CCNJL: variants seen among roughly 807,000 people sequenced by gnomAD.
CCNJL encodes cyclin J like, also known as cyclin-J-like protein.
Under a neutral mutation model 33.4 loss-of-function variants are expected in CCNJL, and 33 were observed. The ratio of observed to expected loss-of-function variants is 0.99; its 90% confidence interval spans 0.75 to 1.32. The LOEUF (loss-of-function observed/expected upper bound fraction) is 1.32, where lower values mean the gene tolerates loss of function less well. Ranked by LOEUF, CCNJL falls within the 40% of genes most tolerant of loss-of-function variation. CCNJL has a pLI of 0.00. For missense variants in CCNJL, 512 were observed against 499.7 expected (o/e 1.02, Z -0.23); for synonymous variants, 227 against 220.9 (o/e 1.03, Z -0.24).
At chr5:160,289,566 C>T (rs1326047153) in intron 2 of CCNJL, among the ~76,000 whole-genome samples, 1 of 151,954 alleles carries the variant, frequency 6.6e-6, no homozygotes, top group African/African-American at 2.4e-5. Flanking sequence ...GGAGAGGTGG[C>T]TGCCCCTTTA....
intron 2 of CCNJL, among the ~76,000 whole-genome samples, chr5:160,294,505 C>A (rs1366152771): frequency 6.6e-6 from 1 of 152,188 alleles, no homozygotes; most frequent in African/African-American, 2.4e-5. Context: ...GAGCCACTGC[C>A]CTTCTGGGCA....
intron 2 of CCNJL, among the ~76,000 whole-genome samples, chr5:160,288,794 G>A (rs1762489739): frequency 1.4e-5 from 2 of 139,892 alleles, no homozygotes; most frequent in South Asian, 4.4e-4. Context: ...TCGTGCCACT[G>A]CACTCCAGCC....
intron 2 of CCNJL, among the ~76,000 whole-genome samples, chr5:160,287,658 A>G (rs1388337945): frequency 6.6e-6 from 1 of 152,262 alleles, no homozygotes; most frequent in Non-Finnish European, 1.5e-5. Flanking sequence ...GCAGTGCAGG[A>G]AGCCAGCCCC....
At chr5:160,322,922 T>TAA (rs145043767) in intron 1 of CCNJL, among the ~76,000 whole-genome samples, 2 of 128,166 alleles carry the variant, frequency 1.6e-5, no homozygotes, top group Non-Finnish European at 3.3e-5. Context: ...CAAAAAAAAT[T>TAA]AAAAAAAAAA....
chr5:160,319,610 G>T (rs1763416617), intron 1 of CCNJL, among the ~76,000 whole-genome samples: 1 of 152,106 alleles, frequency 6.6e-6, no homozygotes, highest in Admixed American at 6.6e-5. Flanking sequence ...TGCAGTAAAG[G>T]ACGTCGTCAA....
At chr5:160,322,533 A>G (rs1007617562) in intron 1 of CCNJL, among the ~76,000 whole-genome samples, 7 of 152,220 alleles carry the variant, frequency 4.6e-5, no homozygotes, top group Admixed American at 2.0e-4. Flanking sequence ...TTAAGTTGTA[A>G]TTGTATGCAT....
intron 2 of CCNJL, chr5:160,281,457 G>A (rs927264840): frequency 1.3e-5 from 2 of 153,030 alleles, no homozygotes; most frequent in African/African-American, 4.8e-5. Context: ...CCCCTGGGAG[G>A]TGACTAGATG....
intron 1 of CCNJL, chr5:160,326,692 C>T (rs1201246018): frequency 2.2e-6 from 2 of 889,688 alleles, no homozygotes; most frequent in Non-Finnish European, 3.7e-6. Flanking sequence ...GAAATTCCAC[C>T]ATGGCATACC....
intron 5 of CCNJL, 101 bp from the exon 6 acceptor site, chr5:160,253,899 G>A: frequency 1.2e-6 from 1 of 855,524 alleles, no homozygotes; most frequent in Non-Finnish European, 1.7e-6. Context: ...AGAGATGCGT[G>A]TGTCCTGTGT....
intron 1 of CCNJL, among the ~76,000 whole-genome samples, chr5:160,321,533 C>T (rs546144658): frequency 8.5e-5 from 13 of 152,336 alleles, no homozygotes; most frequent in African/African-American, 3.1e-4. Flanking sequence ...GTCGCAGCCG[C>T]TCAGCTGAGG....
chr5:160,291,036 TAAAA>T lies in CCNJL; in HGVS notation c.67-10302_67-10299del, dbSNP rs1177369719. Among the ~76,000 whole-genome samples, 16 of 57,540 alleles carry T rather than the reference TAAAA, an allele frequency of 2.8e-4. No individual in the cohort carries two copies. The East Asian group carries it at 5.2e-3, about 19-fold the overall frequency. 37.7% of individuals were successfully genotyped at this position (57,540 alleles called of 152,430 possible). ...AACATAGAAACACCCCGTCTTTACT[TAAAA>T]AAAAAAAAAAAAAAAAAAAAAGAAA... On this transcript the variant is annotated intron_variant, in intron 2 of 5. Transcript: ENST00000257536.
At chr5:160,316,597 TCTC>T (rs1251901613), upstream of CCNJL, among the ~76,000 whole-genome samples, 2 of 152,234 alleles carry the variant, frequency 1.3e-5, no homozygotes, top group Non-Finnish European at 2.9e-5. Context: ...CAGGCCTTGT[TCTC>T]CTCCTCCCCA....
intron 3 of CCNJL, among the ~76,000 whole-genome samples, chr5:160,266,775 A>AACTTTTTCAGC (rs1561779271): frequency 6.6e-6 from 1 of 152,166 alleles, no homozygotes; most frequent in Admixed American, 6.5e-5. Flanking sequence ...GGTTCTGAAA[A>AACTTTTTCAGC]AGGGGCTGAA....
chr5:160,333,526 G>A (rs1479860434), intron 1 of CCNJL, among the ~76,000 whole-genome samples: 1 of 151,734 alleles, frequency 6.6e-6, no homozygotes, highest in Non-Finnish European at 1.5e-5. Context: ...AGGAGGTCAA[G>A]GCTGCAGTCA....
intron 2 of CCNJL, among the ~76,000 whole-genome samples, chr5:160,289,600 A>G (rs1192768730): frequency 1.3e-5 from 2 of 151,900 alleles, no homozygotes; most frequent in Admixed American, 6.6e-5. Context: ...TTGCTGCCCA[A>G]GAGTTTTGCC....
chr5:160,310,720 C>T (rs1236230291), intron 2 of CCNJL, among the ~76,000 whole-genome samples: 1 of 152,160 alleles, frequency 6.6e-6, no homozygotes, highest in Non-Finnish European at 1.5e-5. Context: ...GTGGGTTCTA[C>T]TCCAATGATC....
chr5:160,276,772 G>A (rs1054436628), intron 3 of CCNJL, among the ~76,000 whole-genome samples: 1 of 148,836 alleles, frequency 6.7e-6, no homozygotes, highest in Non-Finnish European at 1.5e-5. Context: ...GTTGTGGCAT[G>A]AATTTTATCT....
intron 5 of CCNJL, chr5:160,254,112 G>A (rs1760947759): frequency 2.2e-6 from 1 of 463,654 alleles, no homozygotes; most frequent in African/African-American, 2.0e-5. Flanking sequence ...CTGCTCCAGA[G>A]GGTAACTTCT....
intron 2 of CCNJL, among the ~76,000 whole-genome samples, chr5:160,303,341 G>T (rs1161786678): frequency 6.6e-6 from 1 of 151,964 alleles, no homozygotes; most frequent in East Asian, 1.9e-4. Context: ...CAGTAGCTGG[G>T]ATTACAGGCA....
Sources: allele counts gnomAD v4.1 joint callset (sites outside exome capture counted in the v4.1 genomes callset), GRCh38; gene constraint gnomAD v4.1.1; transcripts MANE v1.5; gene names NCBI Gene and HGNC (gene_info 2026-07-23, HGNC 2026-07-21).